RAB6A: variants seen among roughly 807,000 people sequenced by gnomAD.
RAB6A encodes RAB6A, member RAS oncogene family.
RAB6A carries 8 observed loss-of-function variants against 32.3 expected under a neutral mutation model. The ratio of observed to expected loss-of-function variants is 0.25; its 90% CI spans 0.15 to 0.45. The LOEUF (loss-of-function observed/expected upper bound fraction) is 0.45. Among genes scored for constraint, RAB6A ranks in the 20% least tolerant of loss-of-function variants. The pLI is 1.00. For synonymous variants in RAB6A, 73 were observed against 82.1 expected (o/e 0.89, Z 0.60); for missense variants, 104 against 249.4 (o/e 0.42, Z 3.93).
intron 5 of RAB6A, among the ~76,000 whole-genome samples, chr11:73,713,856 A>G (rs1424086710): frequency 6.6e-6 from 1 of 152,196 alleles, no homozygotes; most frequent in African/African-American, 2.4e-5. Flanking sequence ...TGGTAATTTC[A>G]ACGCAACTGA....
chr11:73,750,164 G>A (rs959188169), intron 1 of RAB6A, among the ~76,000 whole-genome samples: 1 of 152,260 alleles, frequency 6.6e-6, no homozygotes, highest in Non-Finnish European at 1.5e-5. Context: ...CAAAAGTAAA[G>A]TTTGTCAGGA....
intron 6 of RAB6A, among the ~76,000 whole-genome samples, chr11:73,692,786 T>C: frequency 4.5e-5 from 1 of 22,214 alleles, no homozygotes; most frequent in East Asian, 1.3e-3. Context: ...CTACTAAAAA[T>C]ACAAAAAAAA....
rs75124049 is a variant in RAB6A at position 73,686,979 on chromosome 11, C to T, written c.496-7259G>A. 5.3e-3 allele frequency among the ~76,000 whole-genome samples: 807 copies of T among 151,872 alleles called. 7 individuals are homozygous for T. Among genetic ancestry groups the T allele is most frequent in the African/African-American group, 0.018 (736 of 41,430 alleles). ...CCAAAAGGTAGAAACAACCCACGTGCTATATATGTAAATATATATTATATA... is the reference window on the plus strand; with the variant it reads ...CCAAAAGGTAGAAACAACCCACGTGTTATATATGTAAATATATATTATATA... On this transcript the variant is annotated intron_variant, in intron 6 of 7. Coordinates refer to ENST00000336083, the MANE Select transcript of RAB6A (RefSeq NM_198896.2).
chr11:73,680,664 G>T (rs139508703), intron 6 of RAB6A, among the ~76,000 whole-genome samples: 2 of 152,042 alleles, frequency 1.3e-5, no homozygotes, highest in African/African-American at 2.4e-5. Context: ...CGGGGGTGTG[G>T]GGGGGAGAGT....
At chr11:73,716,642 A>C (rs562938114) in intron 4 of RAB6A, among the ~76,000 whole-genome samples, 3 of 152,222 alleles carry the variant, frequency 2.0e-5, no homozygotes, top group East Asian at 3.8e-4. Context: ...TTGAAAAAAA[A>C]ACAACTTTTT....
At chr11:73,694,532 T>C (rs1431781355) in intron 6 of RAB6A, among the ~76,000 whole-genome samples, 2 of 152,244 alleles carry the variant, frequency 1.3e-5, no homozygotes, top group Non-Finnish European at 2.9e-5. Flanking sequence ...TGTAAAATAC[T>C]AGTACACATA....
intron 5 of RAB6A, among the ~76,000 whole-genome samples, chr11:73,708,951 C>A (rs1284120904): frequency 6.6e-6 from 1 of 152,186 alleles, no homozygotes; most frequent in Non-Finnish European, 1.5e-5. Context: ...CAAGAACATT[C>A]TCTTACATAA....
rs1335039052 is a variant in RAB6A, at chr11:73,676,022, G to A, written c.*1876C>T. ...AACTCCATCCCATCTTTAAGTATAA[G>A]TTACTGGTATGTGGGCTAATGATTA... On this transcript the variant is annotated 3_prime_UTR_variant, in exon 8 of 8. Coordinates refer to ENST00000336083, the MANE Select transcript of RAB6A (RefSeq NM_198896.2). 3 of 166,978 alleles carry A rather than the reference G, an allele frequency of 1.8e-5. No homozygotes were observed. Among genetic ancestry groups the A allele is most frequent in the Non-Finnish European group, 4.4e-5 (3 of 68,112 alleles). 10.3% of individuals were successfully genotyped at this position (166,978 alleles called of 1,614,324 possible).
At chr11:73,679,609 A>C in intron 7 of RAB6A, 45 bp downstream of exon 7, 4 of 1,606,510 alleles carry the variant, frequency 2.5e-6, no homozygotes, top group Non-Finnish European at 1.7e-6. Context: ...GGCTCTAAAG[A>C]CTAGTGTTAA....
At chr11:73,759,588 ATGTT>A (rs1228224325) in intron 1 of RAB6A, among the ~76,000 whole-genome samples, 1 of 152,164 alleles carries the variant, frequency 6.6e-6, no homozygotes, top group Non-Finnish European at 1.5e-5. Flanking sequence ...CAAAACAAAG[ATGTT>A]TGTTATTCCA....
chr11:73,713,404 A>G (rs1265085303), intron 5 of RAB6A, among the ~76,000 whole-genome samples: 2 of 152,266 alleles, frequency 1.3e-5, no homozygotes, highest in East Asian at 3.9e-4. Flanking sequence ...CCCCGTCTCT[A>G]CTAAAAACAC....
intron 6 of RAB6A, among the ~76,000 whole-genome samples, chr11:73,690,788 CG>C: frequency 1.3e-5 from 2 of 149,654 alleles, no homozygotes; most frequent in South Asian, 4.2e-4. Context: ...TGGAAGGGTC[CG>C]GGTATGGGGG....
At chr11:73,702,098 A>G (rs1023667506) in intron 6 of RAB6A, among the ~76,000 whole-genome samples, 17 of 152,242 alleles carry the variant, frequency 1.1e-4, no homozygotes, top group African/African-American at 3.9e-4. Flanking sequence ...CGTTGTTGTT[A>G]TAGGTTTCAA....
At chr11:73,716,522 A>G (rs897034062) in intron 4 of RAB6A, among the ~76,000 whole-genome samples, 160 bp from the exon 5 acceptor site, 1 of 152,234 alleles carries the variant, frequency 6.6e-6, no homozygotes, top group African/African-American at 2.4e-5. Context: ...TTATCTGATT[A>G]CAACTGTCAG....
intron 6 of RAB6A, among the ~76,000 whole-genome samples, chr11:73,691,214 A>G (rs1256526986): frequency 6.6e-6 from 1 of 152,278 alleles, no homozygotes; most frequent in East Asian, 1.9e-4. Context: ...AGGGGCTGCC[A>G]AGGGACTCTG....
chr11:73,716,940 ACTT>A (rs1946062081), intron 4 of RAB6A, among the ~76,000 whole-genome samples: 1 of 152,250 alleles, frequency 6.6e-6, no homozygotes. Context: ...TAAGTAGAGT[ACTT>A]CAACACTTCT....
chr11:73,697,220 A>C (rs769155183), intron 6 of RAB6A, among the ~76,000 whole-genome samples: 2 of 152,144 alleles, frequency 1.3e-5, no homozygotes, highest in Non-Finnish European at 2.9e-5. Context: ...CTTTGCTCAA[A>C]TATCACCTTA....
At chr11:73,716,112 C>A in intron 5 of RAB6A, 139 bp downstream of exon 5, 1 of 564,188 alleles carries the variant, frequency 1.8e-6, no homozygotes, top group Non-Finnish European at 3.0e-6. Context: ...ATTTGAGGTT[C>A]CCATGCTAAA....
At chr11:73,747,789 G>A (rs1002573177) in intron 1 of RAB6A, among the ~76,000 whole-genome samples, 1 of 152,056 alleles carries the variant, frequency 6.6e-6, no homozygotes, top group East Asian at 1.9e-4. Context: ...AATGTTCCTC[G>A]ATTTGGATTT....
Sources: gnomAD v4.1 joint callset for allele counts (sites outside exome capture counted in the v4.1 genomes callset) on GRCh38, gnomAD v4.1.1 for gene constraint, MANE v1.5 for transcripts, NCBI Gene and HGNC (gene_info 2026-07-23, HGNC 2026-07-21) for gene names.